Variants in NBPF12 observed in about 807,000 individuals in gnomAD.
NBPF12 encodes the protein NBPF member 12, also known as NBPF family member NBPF12.
A neutral mutation model predicts 146.4 loss-of-function variants in NBPF12; 115 were observed. That is an observed-to-expected ratio of 0.79 (90% CI 0.68 to 0.92). The LOEUF (loss-of-function observed/expected upper bound fraction) is 0.92. NBPF12 is among the 40% of genes least tolerant of loss of function. NBPF12 has a pLI of 0.00. For synonymous variants in NBPF12, 385 were observed against 508.9 expected (o/e 0.76, Z 3.28); for missense variants, 1,205 against 1,326.8 (o/e 0.91, Z 1.43).
At chr1:146,965,013 C>T (rs1245581061) in exon 8 of NBPF12, 4 of 1,608,546 alleles carry the variant, frequency 2.5e-6, no homozygotes, top group Non-Finnish European at 3.4e-6. Flanking sequence ...ACATCAAAAT[C>T]ACATTTGAGG....
intron 19 of NBPF12, among the ~76,000 whole-genome samples, chr1:146,981,504 A>G (rs1657391018): frequency 6.6e-6 from 1 of 151,150 alleles, no homozygotes; most frequent in South Asian, 2.1e-4. Context: ...CTTCATTTCA[A>G]CCTTGGTGAA....
intron 18 of NBPF12, among the ~76,000 whole-genome samples, chr1:146,978,015 C>T (rs1559526030): frequency 6.6e-6 from 1 of 151,906 alleles, no homozygotes; most frequent in Non-Finnish European, 1.5e-5. Context: ...AGTTTCTATG[C>T]CTGTTTAAGG....
At chr1:146,981,440 C>T (rs1397342841) in intron 19 of NBPF12, among the ~76,000 whole-genome samples, 2 of 151,458 alleles carry the variant, frequency 1.3e-5, no homozygotes, top group Non-Finnish European at 2.9e-5. Flanking sequence ...GTCTGATGGG[C>T]TTCCCTTTGT....
At chr1:146,939,652 C>T (rs1654707500) in intron 1 of NBPF12, among the ~76,000 whole-genome samples, 1 of 151,916 alleles carries the variant, frequency 6.6e-6, no homozygotes, top group Non-Finnish European at 1.5e-5. Context: ...ATTTGGCGTC[C>T]TTTCACCCAA....
rs587637356 is a variant in NBPF12, at chr1:146,994,950, G to A, written c.*375G>A. The A allele has an allele frequency of 6.4e-4, 215 of 334,694 alleles. 8 individuals are homozygous for A. The highest frequency in any genetic ancestry group is 4.2e-3 in the African/African-American group (195 of 46,614). 20.7% of individuals were successfully genotyped at this position (334,694 alleles called of 1,614,324 possible). On this transcript the variant is annotated 3_prime_UTR_variant, in exon 34 of 34. Transcript: ENST00000617844. Reference sequence around the variant, plus strand: ...CTTTGTGTTTAGTTCATCCAAAGGTGTTACCCTGGTTTCAATGAACCTAAC... The same window carrying A: ...CTTTGTGTTTAGTTCATCCAAAGGTATTACCCTGGTTTCAATGAACCTAAC...
In NBPF12 at chr1:146,962,552, G is replaced by A. The variant is rs1273266319; in HGVS notation, c.278+289G>A. ...AGTGGGAACCACCTAGCAGCATTCA[G>A]TATACTCAAAATGGTGTGCTATTGC... On this transcript the variant is annotated intron_variant, in intron 5 of 33. Coordinates refer to ENST00000617844, the Ensembl canonical transcript of NBPF12. 5.3e-5 allele frequency among the ~76,000 whole-genome samples: 8 copies of A among 151,906 alleles called. No individual in the cohort carries two copies. The South Asian group carries it at 1.5e-3, about 28-fold the overall frequency.
At chr1:146,969,100 T>G (rs1346304494) in intron 10 of NBPF12, among the ~76,000 whole-genome samples, 1 of 151,332 alleles carries the variant, frequency 6.6e-6, no homozygotes, top group Non-Finnish European at 1.5e-5. Context: ...ACTGAAAGGA[T>G]GTCTTTTTGA....
At position 146,957,398 on chromosome 1, in the gene NBPF12, C is replaced by T. The variant is rs1655643944; in HGVS notation, c.-183-2461C>T. On this transcript the variant is annotated intron_variant, in intron 2 of 33. Transcript: ENST00000617844. ...ACAATGACGTTGAAGGTGGGGGCTCCACTGATGCTCTTCATACAAAGATCC... is the reference window on the plus strand; with the variant it reads ...ACAATGACGTTGAAGGTGGGGGCTCTACTGATGCTCTTCATACAAAGATCC... 1.1e-5 allele frequency: 2 copies of T among 183,394 alleles called. 1 individual carries two copies. Among genetic ancestry groups the T allele is most frequent in the Admixed American group, 1.0e-4 (2 of 19,172 alleles). The allele number at this position is 183,394 out of a possible 1,614,324, so 11.4% of individuals were successfully genotyped here.
intron 14 of NBPF12, among the ~76,000 whole-genome samples, chr1:146,973,452 G>A (rs1656787703): frequency 6.6e-6 from 1 of 150,992 alleles, no homozygotes; most frequent in South Asian, 2.1e-4. Flanking sequence ...AGAGGAGTCT[G>A]CTCCTAATAG....
chr1:146,992,463 T>TCA (rs1491550241), intron 31 of NBPF12, among the ~76,000 whole-genome samples: 8 of 36,182 alleles, frequency 2.2e-4, no homozygotes, highest in Admixed American at 3.1e-4. Context: ...TCTCTCTCTC[T>TCA]GTGTGTGTGT....
intron 6 of NBPF12, among the ~76,000 whole-genome samples, chr1:146,963,786 T>C (rs1656016328): frequency 1.4e-5 from 2 of 147,456 alleles, no homozygotes; most frequent in Non-Finnish European, 3.0e-5. Context: ...TACGAATGCT[T>C]TTCAAAATGA....
intron 19 of NBPF12, among the ~76,000 whole-genome samples, chr1:146,981,296 T>A (rs1198859669): frequency 0.014 from 1,419 of 104,084 alleles, 28 homozygotes; most frequent in Non-Finnish European, 0.024. Context: ...AAAAAAAAAA[T>A]ATATATATAT....
At chr1:146,994,114 C>G (rs1281019045) in intron 33 of NBPF12, among the ~76,000 whole-genome samples, 2 of 117,246 alleles carry the variant, frequency 1.7e-5, no homozygotes, top group African/African-American at 8.1e-5. Flanking sequence ...GTCTCTGTCT[C>G]TGTCTCTGTC....
At chr1:146,980,488 G>A (rs1210166231) in intron 19 of NBPF12, among the ~76,000 whole-genome samples, 1 of 151,582 alleles carries the variant, frequency 6.6e-6, no homozygotes, top group African/African-American at 2.4e-5. Context: ...CTTCCTTTAG[G>A]AGCTCTTTTT....
At chr1:146,963,813 A>C (rs1292094696) in intron 6 of NBPF12, among the ~76,000 whole-genome samples, 1 of 145,598 alleles carries the variant, frequency 6.9e-6, no homozygotes, top group African/African-American at 2.6e-5. Flanking sequence ...GCCCCTCTCC[A>C]TGTGGTGTTG....
At chr1:146,972,097 A>G (rs1376219870) in intron 13 of NBPF12, among the ~76,000 whole-genome samples, 21 of 149,230 alleles carry the variant, frequency 1.4e-4, no homozygotes, top group Non-Finnish European at 2.2e-4. Context: ...AAAAAAAAAA[A>G]AAAAAAGTAA....
chr1:146,941,688 A>G (rs1654810213), intron 1 of NBPF12, among the ~76,000 whole-genome samples: 1 of 137,008 alleles, frequency 7.3e-6, no homozygotes, highest in African/African-American at 2.7e-5. Context: ...CAGGAGGCGG[A>G]GGTTGCATTG....
At chr1:146,994,281 G>A (rs1323906946) in intron 33 of NBPF12, 51 bp from the exon 37 acceptor site, 1 of 1,610,900 alleles carries the variant, frequency 6.2e-7, no homozygotes, top group South Asian at 1.1e-5. Context: ...GTGAGGCTCT[G>A]TGGTGTCTGA....
At chr1:146,977,345 G>C (rs1200709103) in intron 17 of NBPF12, 121 bp from the exon 21 acceptor site, 231 of 899,478 alleles carry the variant, frequency 2.6e-4, no homozygotes, top group Admixed American at 7.7e-4. Context: ...TAATGGGAAC[G>C]TCCATTTTGC....
Sources: gnomAD v4.1 joint callset for allele counts (sites outside exome capture counted in the v4.1 genomes callset) on GRCh38, gnomAD v4.1.1 for gene constraint, MANE v1.5 for transcripts, NCBI Gene and HGNC (gene_info 2026-07-23, HGNC 2026-07-21) for gene names.